Variants in MDGA2 observed in about 807,000 individuals in gnomAD.
MDGA2 encodes the protein MAM domain containing glycosylphosphatidylinositol anchor 2, also known as MAM domain-containing glycosylphosphatidylinositol anchor protein 2.
Under a neutral mutation model 117.8 loss-of-function variants are expected in MDGA2, and 40 were observed. The observed-to-expected ratio is 0.34, with a 90% CI of 0.26 to 0.44. The LOEUF is 0.44. MDGA2 is among the 20% of genes least tolerant of loss of function. The probability of loss-of-function intolerance (pLI) is 1.00; values close to 1 mark genes in which losing one functional copy is unlikely to be tolerated. For missense variants in MDGA2, 1,123 were observed against 1,250.6 expected, an observed-to-expected ratio of 0.90 and a Z score of 1.54; for synonymous variants, 452 against 439.0, an observed-to-expected ratio of 1.03 and a Z score of -0.37.
At chr14:46,977,949 T>C (rs370149554) in intron 8 of MDGA2, among the ~76,000 whole-genome samples, 246 of 152,032 alleles carry the variant, frequency 1.6e-3, no homozygotes, top group African/African-American at 5.5e-3. Flanking sequence ...AAATTTCATC[T>C]CCAAAAATGA....
At chr14:47,581,118 G>A (rs1328439128) in intron 1 of MDGA2, among the ~76,000 whole-genome samples, 1 of 151,854 alleles carries the variant, frequency 6.6e-6, no homozygotes, top group Non-Finnish European at 1.5e-5. Context: ...GCTCATGAAA[G>A]CCCTAAGCAT....
At chr14:46,898,191 T>A in intron 10 of MDGA2, among the ~76,000 whole-genome samples, 1 of 152,002 alleles carries the variant, frequency 6.6e-6, no homozygotes, top group East Asian at 1.9e-4. Flanking sequence ...ATATTAGCAA[T>A]TAAAAATATG....
chr14:47,227,993 T>C (rs762891357), intron 2 of MDGA2, among the ~76,000 whole-genome samples: 28 of 152,100 alleles, frequency 1.8e-4, no homozygotes, highest in South Asian at 4.1e-4. Context: ...ATCGCCAACA[T>C]AACACATCCA....
intron 1 of MDGA2, among the ~76,000 whole-genome samples, chr14:47,556,412 A>C (rs1175985791): frequency 6.6e-6 from 1 of 152,198 alleles, no homozygotes; most frequent in Non-Finnish European, 1.5e-5. Context: ...CTGGGTCAGG[A>C]ATGATCTTCT....
chr14:47,068,608 C>T (rs1890168901), intron 6 of MDGA2, among the ~76,000 whole-genome samples: 1 of 151,796 alleles, frequency 6.6e-6, no homozygotes. Context: ...TTTGAGCTCA[C>T]CTTTTCTATC....
chr14:47,606,585 C>A (rs2138892105), intron 1 of MDGA2, among the ~76,000 whole-genome samples: 1 of 152,262 alleles, frequency 6.6e-6, no homozygotes, highest in East Asian at 1.9e-4. Context: ...CAGCTAAAAA[C>A]TTACATCTGA....
intron 1 of MDGA2, among the ~76,000 whole-genome samples, chr14:47,504,195 C>A (rs2138678264): frequency 6.6e-6 from 1 of 151,510 alleles, no homozygotes; most frequent in Middle Eastern, 3.4e-3. Flanking sequence ...TTTAATTGCT[C>A]AGTAATCCAT....
Position 47,654,434 on chromosome 14 carries a change from G to A in MDGA2, c.280+20083C>T, listed in dbSNP as rs142455663. 1.8e-3 allele frequency among the ~76,000 whole-genome samples: 271 copies of A among 152,102 alleles called. 3 individuals are homozygous for A. The highest frequency in any genetic ancestry group is 6.4e-3 in the African/African-American group (266 of 41,490). On this transcript the variant is annotated intron_variant, in intron 1 of 16. Coordinates refer to ENST00000399232, the MANE Select transcript of MDGA2 (RefSeq NM_001113498.3). ...CCCAGGATTTTCCACCACCTCCTCT[G>A]CTGGCCAACTGGCTAATAACTAACG...
intron 5 of MDGA2, among the ~76,000 whole-genome samples, chr14:47,100,313 C>T (rs1242554393): frequency 6.6e-6 from 1 of 152,004 alleles, no homozygotes; most frequent in South Asian, 2.1e-4. Context: ...CCCAACCACC[C>T]TCATTCTATC....
intron 10 of MDGA2, among the ~76,000 whole-genome samples, chr14:46,907,104 G>A (rs1314484778): frequency 6.6e-6 from 1 of 150,740 alleles, no homozygotes; most frequent in Non-Finnish European, 1.5e-5. Flanking sequence ...AGCCTCCCAA[G>A]TAGCTGGGAT....
At chr14:47,092,909 C>G (rs1030726138) in intron 6 of MDGA2, among the ~76,000 whole-genome samples, 4 of 151,982 alleles carry the variant, frequency 2.6e-5, no homozygotes, top group Admixed American at 2.6e-4. Context: ...GGGAAACGCC[C>G]ATCACTGGAC....
chr14:47,513,638 A>T (rs1894690720), intron 1 of MDGA2, among the ~76,000 whole-genome samples: 1 of 152,120 alleles, frequency 6.6e-6, no homozygotes. Context: ...ATCACAATGT[A>T]AACATTTCTT....
intron 1 of MDGA2, among the ~76,000 whole-genome samples, chr14:47,605,204 G>A (rs977053941): frequency 6.6e-6 from 1 of 151,968 alleles, no homozygotes; most frequent in African/African-American, 2.4e-5. Context: ...TTTTCAATGA[G>A]TAACACAGCA....
At chr14:47,351,116 T>C (rs1402118870) in intron 1 of MDGA2, among the ~76,000 whole-genome samples, 1 of 144,618 alleles carries the variant, frequency 6.9e-6, no homozygotes, top group Non-Finnish European at 1.5e-5. Context: ...GTTGCTCTTG[T>C]CCCCCTGGCT....
In MDGA2 at chr14:47,429,291, T is replaced by TAC. The variant is rs1555320807; in HGVS notation, c.281-127743_281-127742dup. On this transcript the variant is annotated intron_variant, in intron 1 of 16. Transcript: ENST00000399232. ...ACAAATATGAAGATATATATATATA[T>TAC]ACACACATATATATTTTTATATGTG... Among the ~76,000 whole-genome samples, 8 of 151,824 alleles carry TAC rather than the reference T, an allele frequency of 5.3e-5. No homozygotes were observed. The East Asian group carries it at 1.5e-3, about 29-fold the overall frequency.
chr14:47,218,071 T>A lies in MDGA2; in HGVS notation c.545A>T (p.Glu182Val). 1 of 1,551,444 alleles carries A rather than the reference T, an allele frequency of 6.4e-7. No homozygotes were observed. Among genetic ancestry groups the A allele is most frequent in the Non-Finnish European group, 8.7e-7 (1 of 1,146,676 alleles). Residue 182 changes from glutamate (E) to valine (V), a missense_variant, in exon 3 of 17, where the codon GAG (glutamate) becomes GTG (valine). By Grantham distance (121) the Glu-to-Val change is moderately radical. This residue lies in a region of MDGA2 where 890 missense variants were observed against 1,050.3 expected (regional missense o/e 0.85). Transcript: ENST00000399232. The part of the protein sequence containing the change: ...HQGGRYYCKA[E>V]NGLGSPAIKS... ...TATCGCTGGAGACCCCAAGCCATTC[T>A]CTGCTTTACAGTAATACCGGCCTCC...
At chr14:47,434,027 A>C (rs181322594) in intron 1 of MDGA2, among the ~76,000 whole-genome samples, 1 of 152,276 alleles carries the variant, frequency 6.6e-6, no homozygotes, top group African/African-American at 2.4e-5. Context: ...AAGAGAATAT[A>C]TCTCTTAAAA....
chr14:47,319,768 T>C (rs144660841), intron 1 of MDGA2, among the ~76,000 whole-genome samples: 28 of 152,242 alleles, frequency 1.8e-4, no homozygotes, highest in Non-Finnish European at 3.7e-4. Flanking sequence ...TTTTCTGTAA[T>C]ATTACCAAAA....
chr14:47,175,429 C>A (rs1218415718), intron 3 of MDGA2, among the ~76,000 whole-genome samples: 1 of 149,698 alleles, frequency 6.7e-6, no homozygotes, highest in Non-Finnish European at 1.5e-5. Flanking sequence ...AATCCAGCAG[C>A]ACATCAAAAA....
Sources: allele counts gnomAD v4.1 joint callset (sites outside exome capture counted in the v4.1 genomes callset), GRCh38; gene constraint gnomAD v4.1.1; regional missense constraint gnomAD v4.1.1; transcripts MANE v1.5; gene names NCBI Gene and HGNC (gene_info 2026-07-23, HGNC 2026-07-21).